CTNNA2: variants seen among roughly 807,000 people sequenced by gnomAD.
The protein encoded by CTNNA2 is catenin alpha-2.
CTNNA2 carries 42 observed loss-of-function variants against 101.0 expected under a neutral mutation model. The ratio of observed to expected loss-of-function variants is 0.42; its 90% CI spans 0.32 to 0.54. The LOEUF is 0.54. CTNNA2 is among the 20% of genes least tolerant of loss of function. The probability of loss-of-function intolerance (pLI) is 0.14; values close to 1 mark genes in which losing one functional copy is unlikely to be tolerated. For missense variants in CTNNA2, 871 were observed against 1,223.1 expected (o/e 0.71, Z 4.29); for synonymous variants, 450 against 456.4 (o/e 0.99, Z 0.18).
At chr2:80,204,851 C>T (rs1707431853) in intron 7 of CTNNA2, among the ~76,000 whole-genome samples, 1 of 151,020 alleles carries the variant, frequency 6.6e-6, no homozygotes, top group East Asian at 1.9e-4. Context: ...GATTTATGAA[C>T]TTACACTTCC....
At chr2:80,568,298 T>C (rs532446693) in intron 12 of CTNNA2, among the ~76,000 whole-genome samples, 1 of 152,324 alleles carries the variant, frequency 6.6e-6, no homozygotes, top group South Asian at 2.1e-4. Flanking sequence ...TGAAATGTGA[T>C]GCTACTCACT....
intron 8 of CTNNA2, among the ~76,000 whole-genome samples, chr2:80,410,012 G>T (rs1407272553): frequency 6.6e-6 from 1 of 152,204 alleles, no homozygotes; most frequent in Non-Finnish European, 1.5e-5. Context: ...AGCCTTCAAA[G>T]TCTTATGCAA....
chr2:79,285,046 G>A (rs200554881), intron 2 of CTNNA2, among the ~76,000 whole-genome samples: 14,518 of 135,100 alleles, frequency 0.11, 691 homozygotes, highest in Middle Eastern at 0.18. Flanking sequence ...GTTTATTTGC[G>A]TAGAGGTGTT....
intron 1 of CTNNA2, among the ~76,000 whole-genome samples, chr2:79,578,091 G>A (rs1675908830): frequency 1.3e-5 from 2 of 152,108 alleles, no homozygotes; most frequent in African/African-American, 4.8e-5. Context: ...ACATTTGAAT[G>A]AAAATTGTAA....
chr2:79,835,114 A>C (rs1270145496), intron 3 of CTNNA2, among the ~76,000 whole-genome samples: 1 of 152,182 alleles, frequency 6.6e-6, no homozygotes, highest in African/African-American at 2.4e-5. Flanking sequence ...CTTTTTAAAA[A>C]TTCTTCACAA....
intron 3 of CTNNA2, among the ~76,000 whole-genome samples, chr2:79,840,888 G>A (rs1679753979): frequency 6.6e-6 from 1 of 151,922 alleles, no homozygotes; most frequent in Non-Finnish European, 1.5e-5. Context: ...TCCTGCCTCA[G>A]CCTCCCGAGT....
intron 1 of CTNNA2, among the ~76,000 whole-genome samples, chr2:79,569,370 A>T (rs193035894): frequency 2.0e-4 from 30 of 152,276 alleles, no homozygotes; most frequent in African/African-American, 7.2e-4. Flanking sequence ...GAAATGGTTC[A>T]GTAGCTGAAT....
At chr2:79,939,187 T>C (rs1299393035) in intron 7 of CTNNA2, among the ~76,000 whole-genome samples, 2 of 152,206 alleles carry the variant, frequency 1.3e-5, no homozygotes, top group African/African-American at 2.4e-5. Context: ...AAAAAAAATA[T>C]TCAAGGCACA....
intron 7 of CTNNA2, among the ~76,000 whole-genome samples, chr2:80,109,277 G>T (rs1701069585): frequency 6.6e-6 from 1 of 151,090 alleles, no homozygotes; most frequent in African/African-American, 2.4e-5. Flanking sequence ...TGGCCAACAT[G>T]GTGAAACCCC....
chr2:80,546,084 C>T, intron 11 of CTNNA2, 21 bp downstream of exon 11: 2 of 1,612,060 alleles, frequency 1.2e-6, no homozygotes, highest in Non-Finnish European at 1.7e-6. Flanking sequence ...CAAACAGGTC[C>T]CTTACAAGGC....
At chr2:79,231,540 TTTTG>T (rs1200806313) in intron 2 of CTNNA2, among the ~76,000 whole-genome samples, 1 of 152,156 alleles carries the variant, frequency 6.6e-6, no homozygotes, top group Non-Finnish European at 1.5e-5. Context: ...TGCACAGGCT[TTTTG>T]TTTGTTTGTT....
In CTNNA2 at chr2:80,302,152, T is replaced by A. The variant is rs1466135073; in HGVS notation, c.1057-91059T>A. On this transcript the variant is annotated intron_variant, in intron 7 of 18. Transcript: ENST00000402739. The surrounding 1 kb of genome is among the most constrained non-coding windows in gnomAD (Gnocchi z 6.4). Reference sequence around the variant, plus strand: ...CTTAAAGTTTCAGTCAAGGAGCATATCAGAGCACAGACAAGGAGACCCCAG... The same window carrying A: ...CTTAAAGTTTCAGTCAAGGAGCATAACAGAGCACAGACAAGGAGACCCCAG... 1.4e-6 allele frequency: 2 copies of A among 1,448,446 alleles called. No homozygotes were observed. Among genetic ancestry groups the A allele is most frequent in the African/African-American group, 2.8e-5 (2 of 70,606 alleles). 89.7% of individuals were successfully genotyped at this position (1,448,446 alleles called of 1,614,324 possible).
Position 80,202,862 on chromosome 2 carries a change from A to T in CTNNA2, c.1057-190349A>T, listed in dbSNP as rs118077524. On this transcript the variant is annotated intron_variant, in intron 7 of 18. Coordinates refer to ENST00000402739, the MANE Select transcript of CTNNA2 (RefSeq NM_001282597.3). ...GTCTGTTTTCACACTCATGATAAAG[A>T]CATACCCAAGACTGGGCAATTTACA... is the stretch of plus-strand genomic sequence containing the variant. 2.6e-4 allele frequency among the ~76,000 whole-genome samples: 39 copies of T among 152,296 alleles called. 1 individual carries two copies. In the East Asian group the frequency reaches 6.6e-3, roughly 26 times the overall value.
intron 2 of CTNNA2, among the ~76,000 whole-genome samples, chr2:79,667,413 C>G (rs1682497270): frequency 6.6e-6 from 1 of 152,098 alleles, no homozygotes; most frequent in Admixed American, 6.5e-5. Flanking sequence ...AAGGAATATC[C>G]AATAGGTTGC....
At position 80,574,278 on chromosome 2, in the gene CTNNA2, C is replaced by T. The variant is rs760057220; in HGVS notation, c.1857C>T (p.Gly619=). 16 of 1,612,828 alleles carry T rather than the reference C, an allele frequency of 9.9e-6. No homozygotes were observed. The highest frequency in any genetic ancestry group is 4.0e-5 in the African/African-American group (3 of 74,862). ...ATGCCTCTCGCCTGGTGTATGATGG[C>T]GTTCGGGACATCAGAAAGGCTGTGC... The part of the protein sequence containing the change: ...FIDASRLVYD[G]VRDIRKAVLM... Residue 619 remains glycine, a synonymous_variant, in exon 13 of 19, where the codon GGC becomes GGT. Transcript: ENST00000402739.
intron 9 of CTNNA2, among the ~76,000 whole-genome samples, chr2:80,514,877 C>CCAAT (rs1488864178): frequency 2.4e-4 from 36 of 152,074 alleles, no homozygotes; most frequent in African/African-American, 8.5e-4. Flanking sequence ...TCAAAAAGAA[C>CCAAT]CAATCAGGAG....
intron 7 of CTNNA2, among the ~76,000 whole-genome samples, chr2:80,252,186 T>C (rs1202088727): frequency 1.3e-5 from 2 of 152,150 alleles, no homozygotes; most frequent in Non-Finnish European, 2.9e-5. Context: ...AGGAAAAGGA[T>C]GAAGTCTTAT....
chr2:80,022,833 C>T (rs1694665023), intron 7 of CTNNA2, among the ~76,000 whole-genome samples: 1 of 152,114 alleles, frequency 6.6e-6, no homozygotes, highest in Non-Finnish European at 1.5e-5. Context: ...TATGGCAGGC[C>T]TTTTGAAAGA....
At chr2:80,500,051 A>G (rs760838807) in intron 9 of CTNNA2, among the ~76,000 whole-genome samples, 68 of 152,284 alleles carry the variant, frequency 4.5e-4, no homozygotes, top group Admixed American at 1.0e-3. Flanking sequence ...AATGCAAAAA[A>G]TGTTTATGTA....
Sources: allele counts gnomAD v4.1 joint callset (sites outside exome capture counted in the v4.1 genomes callset), GRCh38; gene constraint gnomAD v4.1.1; non-coding constraint Gnocchi (gnomAD v3.1); transcripts MANE v1.5; gene names NCBI Gene and HGNC (gene_info 2026-07-23, HGNC 2026-07-21).